The following GABRG1 variants were observed in gnomAD, a reference collection of about 807,000 sequenced individuals.
The protein encoded by GABRG1 is gamma-aminobutyric acid receptor subunit gamma-1.
Under a neutral mutation model 49.8 loss-of-function variants are expected in GABRG1, and 49 were observed. The ratio of observed to expected loss-of-function variants is 0.98; its 90% CI spans 0.78 to 1.25. The LOEUF (loss-of-function observed/expected upper bound fraction) is 1.25, where lower values mean the gene tolerates loss of function less well. GABRG1 is among the 50% of genes most tolerant of loss of function. GABRG1 has a pLI of 0.00. For synonymous variants in GABRG1, 232 were observed against 185.1 expected, an observed-to-expected ratio of 1.25 and a Z score of -2.06; for missense variants, 552 against 552.3, an observed-to-expected ratio of 1.00 and a Z score of 0.01.
rs563486408 is a variant in GABRG1 at position 46,086,446 on chromosome 4, G to A, written c.254-2393C>T. On this transcript the variant is annotated intron_variant, in intron 2 of 8. Transcript: ENST00000295452. The stretch of plus-strand genomic sequence containing the variant: ...TAATTGATTTTAACCATGCTTTCTT[G>A]GACACACTATTCTAATTTCACTAAG... Among the ~76,000 whole-genome samples, 19 of 151,310 alleles carry A rather than the reference G, an allele frequency of 1.3e-4. No homozygotes were observed. The East Asian group carries it at 3.1e-3, about 25-fold the overall frequency.
intron 3 of GABRG1, among the ~76,000 whole-genome samples, chr4:46,075,394 C>G (rs759198580): frequency 1.3e-5 from 2 of 151,898 alleles, no homozygotes; most frequent in Non-Finnish European, 2.9e-5. Flanking sequence ...CAAGAGCTCA[C>G]TGTATTGCCC....
chr4:46,056,667 T>G (rs569142163), intron 7 of GABRG1, among the ~76,000 whole-genome samples: 210 of 152,252 alleles, frequency 1.4e-3, no homozygotes, highest in African/African-American at 5.0e-3. Flanking sequence ...TTTTATTCAC[T>G]GTTAACACTA....
intron 3 of GABRG1, among the ~76,000 whole-genome samples, chr4:46,070,579 T>G (rs1391174): frequency 6.6e-6 from 1 of 151,642 alleles, no homozygotes; most frequent in Non-Finnish European, 1.5e-5. Context: ...AGGTACTCCA[T>G]AGAAACACAG....
rs1323783690 is a variant in GABRG1 at position 46,038,303 on chromosome 4, T to C, written c.*2685A>G. The C allele has an allele frequency of 6.6e-6, 1 of 151,650 alleles. No individual in the cohort carries two copies. 9.4% of individuals were successfully genotyped at this position (151,650 alleles called of 1,614,324 possible). On this transcript the variant is annotated 3_prime_UTR_variant, in exon 9 of 9. Coordinates refer to ENST00000295452, the MANE Select transcript of GABRG1 (RefSeq NM_173536.4). ...AGATAAATAAAATATTACCCTGTCA[T>C]TGTAAATCCAAAATCACATTTTCCC...
intron 1 of GABRG1, among the ~76,000 whole-genome samples, chr4:46,110,135 T>C (rs1720671820): frequency 6.6e-6 from 1 of 151,212 alleles, no homozygotes; most frequent in Non-Finnish European, 1.5e-5. Context: ...TCAACTATGA[T>C]TGGGTGACTG....
chr4:46,091,962 T>A (rs370473076), intron 2 of GABRG1, among the ~76,000 whole-genome samples: 3 of 152,102 alleles, frequency 2.0e-5, no homozygotes, highest in South Asian at 2.1e-4. Flanking sequence ...AATAGCACGA[T>A]TAATGTTGAA....
At chr4:46,083,274 T>C (rs1420075559) in intron 3 of GABRG1, among the ~76,000 whole-genome samples, 1 of 151,722 alleles carries the variant, frequency 6.6e-6, no homozygotes, top group African/African-American at 2.4e-5. Flanking sequence ...TGAAGATCTA[T>C]TGTCCAGACT....
At chr4:46,109,686 C>A (rs999891010) in intron 1 of GABRG1, among the ~76,000 whole-genome samples, 3 of 151,136 alleles carry the variant, frequency 2.0e-5, no homozygotes, top group Non-Finnish European at 4.5e-5. Flanking sequence ...GCTTTTGCAG[C>A]ATAACAGAGA....
intron 3 of GABRG1, among the ~76,000 whole-genome samples, chr4:46,075,600 C>A (rs1472050410): frequency 6.6e-6 from 1 of 151,982 alleles, no homozygotes; most frequent in African/African-American, 2.4e-5. Context: ...TGCCTTTTTC[C>A]TGTCTATCAT....
chr4:46,063,864 GC>G (rs1718807216), intron 5 of GABRG1, among the ~76,000 whole-genome samples: 1 of 152,036 alleles, frequency 6.6e-6, no homozygotes, highest in African/African-American at 2.4e-5. Flanking sequence ...CAAAAAGTGG[GC>G]AAAGGATAAG....
At chr4:46,047,847 AT>A (rs538475733) in intron 8 of GABRG1, among the ~76,000 whole-genome samples, 1 of 151,840 alleles carries the variant, frequency 6.6e-6, no homozygotes, top group Non-Finnish European at 1.5e-5. Flanking sequence ...TTTGCGATGC[AT>A]TTTTTCACAA....
intron 1 of GABRG1, among the ~76,000 whole-genome samples, chr4:46,122,379 T>C (rs1287872293): frequency 1.3e-5 from 2 of 152,166 alleles, no homozygotes; most frequent in Non-Finnish European, 2.9e-5. Context: ...ACTTTTGTAA[T>C]ATTATGATGT....
Position 46,040,992 on chromosome 4 carries a change from A to C in GABRG1, c.1394T>G (p.Leu465Ter), listed in dbSNP as rs1282960143. The change falls in exon 9 of 9, where the codon TTA becomes TGA. Residue 465 changes from leucine (L) to a stop codon, truncating the protein, a stop_gained. Coordinates refer to ENST00000295452, the MANE Select transcript of GABRG1 (RefSeq NM_173536.4). LOFTEE classifies it high-confidence loss of function. ...TTTTTGCTTATGAAGTAGATTTTATAAGTAAAGATAGCCAACCCAATAAAC... is the reference window on the plus strand; with the variant it reads ...TTTTTGCTTATGAAGTAGATTTTATCAGTAAAGATAGCCAACCCAATAAAC... Reference protein sequence around the residue: ...NLVYWVGYLYL With the variant: ...NLVYWVGYLY 6.2e-7 allele frequency: 1 copy of C among 1,607,196 alleles called. No homozygotes were observed. Among genetic ancestry groups the C allele is most frequent in the East Asian group, 2.2e-5 (1 of 44,776 alleles).
chr4:46,076,729 T>C (rs1645459722), intron 3 of GABRG1, among the ~76,000 whole-genome samples: 1 of 151,706 alleles, frequency 6.6e-6, no homozygotes, highest in Admixed American at 6.6e-5. Context: ...ATTCTATGAT[T>C]ACTAACCCAT....
At chr4:46,047,050 A>G (rs1718025688) in intron 8 of GABRG1, among the ~76,000 whole-genome samples, 1 of 152,136 alleles carries the variant, frequency 6.6e-6, no homozygotes, top group South Asian at 2.1e-4. Flanking sequence ...ATTACCCAAT[A>G]GCACTTTCTG....
intron 8 of GABRG1, among the ~76,000 whole-genome samples, chr4:46,048,141 G>A (rs1377736599): frequency 1.3e-5 from 2 of 151,854 alleles, no homozygotes; most frequent in African/African-American, 2.4e-5. Context: ...AGTGCCTTTC[G>A]GTTTATTACT....
At chr4:46,043,846 T>C (rs1013714765) in intron 8 of GABRG1, among the ~76,000 whole-genome samples, 2 of 151,950 alleles carry the variant, frequency 1.3e-5, no homozygotes, top group East Asian at 1.9e-4. Flanking sequence ...TCTGTCTAGT[T>C]ATATACTAAT....
chr4:46,053,266 T>C (rs1718305980), intron 7 of GABRG1, among the ~76,000 whole-genome samples: 1 of 151,884 alleles, frequency 6.6e-6, no homozygotes, highest in African/African-American at 2.4e-5. Context: ...TTTAGTAATA[T>C]CTTGTTTAAT....
At chr4:46,105,834 T>TAGATAGATA (rs71193843) in intron 1 of GABRG1, among the ~76,000 whole-genome samples, 5 of 131,088 alleles carry the variant, frequency 3.8e-5, no homozygotes, top group African/African-American at 1.3e-4. Context: ...GATAGATAGA[T>TAGATAGATA]GATAGATATT....
Sources: allele counts gnomAD v4.1 joint callset (sites outside exome capture counted in the v4.1 genomes callset), GRCh38; gene constraint gnomAD v4.1.1; transcripts MANE v1.5; gene names NCBI Gene and HGNC (gene_info 2026-07-23, HGNC 2026-07-21).